The following MIA2 variants were observed in gnomAD, a reference collection of about 807,000 sequenced individuals.
The protein encoded by MIA2 is MIA SH3 domain ER export factor 2, also known as melanoma inhibitory activity protein 2.
Under a neutral mutation model 167.8 loss-of-function variants are expected in MIA2, and 127 were observed. The ratio of observed to expected loss-of-function variants is 0.76; its 90% CI spans 0.66 to 0.88. The LOEUF (loss-of-function observed/expected upper bound fraction) is 0.88. MIA2 is among the 40% of genes least tolerant of loss of function. The pLI is 0.00. For synonymous variants in MIA2, 552 were observed against 541.9 expected (o/e 1.02, Z -0.26); for missense variants, 1,690 against 1,624.7 (o/e 1.04, Z -0.69).
At position 39,310,512 on chromosome 14, in the gene MIA2, A is replaced by C. The variant is rs114334382; in HGVS notation, c.3017+1925A>C. ...AAAGTATCTTTAAACAGAAGCACAC[A>C]AAAAAACAAGGTTATATATTGATTG... On this transcript the variant is annotated intron_variant, in intron 18 of 28. Coordinates refer to ENST00000640607, the MANE Select transcript of MIA2 (RefSeq NM_001329214.4). Among the ~76,000 whole-genome samples the C allele has an allele frequency of 4.5e-3, 689 of 152,216 alleles. 4 individuals are homozygous for C. Among genetic ancestry groups the C allele is most frequent in the Middle Eastern group, 0.017 (5 of 292 alleles).
chr14:39,349,946 A>G, intron 28 of MIA2, 152 bp from the exon 29 acceptor site: 1 of 435,452 alleles, frequency 2.3e-6, no homozygotes, highest in East Asian at 3.5e-5. Flanking sequence ...GTTTTTCTCA[A>G]TGTAAAAATT....
chr14:39,328,429 G>A (rs10150299), intron 25 of MIA2, among the ~76,000 whole-genome samples: 6,056 of 152,238 alleles, frequency 0.04, 176 homozygotes, highest in South Asian at 0.096. Flanking sequence ...TGTTCACTCT[G>A]ATGGTAGTTT....
intron 2 of MIA2, among the ~76,000 whole-genome samples, chr14:39,237,675 A>C (rs2053819757): frequency 6.6e-6 from 1 of 151,758 alleles, no homozygotes; most frequent in Non-Finnish European, 1.5e-5. Flanking sequence ...ATTTGGAGGG[A>C]CTTCATATTA....
chr14:39,240,483 A>G (rs879200156), intron 2 of MIA2, 78 bp from the exon 3 acceptor site: 20 of 1,054,278 alleles, frequency 1.9e-5, no homozygotes, highest in South Asian at 1.6e-4. Context: ...AGCCAAGGAC[A>G]TGGGACAAAA....
intron 24 of MIA2, among the ~76,000 whole-genome samples, chr14:39,324,461 A>G (rs1006896414): frequency 6.6e-6 from 1 of 152,260 alleles, no homozygotes; most frequent in Non-Finnish European, 1.5e-5. Flanking sequence ...TAAAGGGAGT[A>G]GATGGAAAAT....
chr14:39,321,982 G>A (rs2066531859), intron 24 of MIA2, among the ~76,000 whole-genome samples: 1 of 150,886 alleles, frequency 6.6e-6, no homozygotes, highest in Admixed American at 6.6e-5. Context: ...CACATTGGCT[G>A]GCCAGGCTGG....
At chr14:39,351,750 C>T (rs1473363810), downstream of MIA2, among the ~76,000 whole-genome samples, 3 of 152,106 alleles carry the variant, frequency 2.0e-5, no homozygotes, top group African/African-American at 4.8e-5. Context: ...GGACTACAGG[C>T]GTCCACCACC....
intron 6 of MIA2, among the ~76,000 whole-genome samples, chr14:39,262,611 G>T (rs1008321785): frequency 1.3e-5 from 2 of 152,136 alleles, no homozygotes; most frequent in African/African-American, 4.8e-5. Flanking sequence ...TGGGCAGTAT[G>T]GCCATTTTCA....
chr14:39,352,306 G>A (rs1362215998), downstream of MIA2, among the ~76,000 whole-genome samples: 2 of 147,960 alleles, frequency 1.4e-5, no homozygotes, highest in Non-Finnish European at 3.0e-5. Flanking sequence ...CTAATTTCTT[G>A]GGATTGCTTC....
exon 24 of MIA2, chr14:39,386,935 G>C: frequency 1.3e-6 from 1 of 772,876 alleles, no homozygotes; most frequent in South Asian, 1.5e-5. Flanking sequence ...TAGGGGCCTA[G>C]GAGGGCCCCA....
intron 23 of MIA2, among the ~76,000 whole-genome samples, chr14:39,319,588 T>G (rs1003253953): frequency 3.9e-5 from 6 of 152,082 alleles, no homozygotes; most frequent in African/African-American, 1.4e-4. Context: ...AGTAAGGTAC[T>G]CATTAACAAT....
At chr14:39,269,813 G>A (rs1041944517) in intron 6 of MIA2, among the ~76,000 whole-genome samples, 1 of 152,080 alleles carries the variant, frequency 6.6e-6, no homozygotes, top group Admixed American at 6.6e-5. Flanking sequence ...GAGCCACTTC[G>A]CCTGGCCCTT....
At chr14:39,336,756 A>T (rs1055407990) in intron 25 of MIA2, among the ~76,000 whole-genome samples, 5 of 152,068 alleles carry the variant, frequency 3.3e-5, no homozygotes, top group Non-Finnish European at 7.4e-5. Flanking sequence ...TTATTAAAAA[A>T]TTTTTTTAGA....
intron 6 of MIA2, among the ~76,000 whole-genome samples, chr14:39,261,572 TC>T (rs1474163030): frequency 6.6e-6 from 1 of 152,212 alleles, no homozygotes; most frequent in African/African-American, 2.4e-5. Flanking sequence ...CAGACTGTCT[TC>T]CACAATGGTT....
At chr14:39,315,545 T>C (rs2065252771) in intron 20 of MIA2, 138 bp from the exon 21 acceptor site, 1 of 624,096 alleles carries the variant, frequency 1.6e-6, no homozygotes, top group Non-Finnish European at 2.8e-6. Flanking sequence ...CATGAAAATT[T>C]GCTTTAAAAA....
In MIA2 at chr14:39,304,331, A is replaced by C. The variant is rs1373612221; in HGVS notation, c.2828A>C (p.Gln943Pro). 1.9e-6 allele frequency: 3 copies of C among 1,578,998 alleles called. No individual in the cohort carries two copies. The highest frequency in any genetic ancestry group is 2.7e-5 in the African/African-American group (2 of 73,422). ...AAAACCTTAGAAGGAGAAAGAAACCAAATTTATATTCAGTTGTCTGAAGTT... is the reference window on the plus strand; with the variant it reads ...AAAACCTTAGAAGGAGAAAGAAACCCAATTTATATTCAGTTGTCTGAAGTT... ...SLKTLEGERN[Q>P]IYIQLSEVDK... The change falls in exon 17 of 29, where the codon CAA (glutamine) becomes CCA (proline). Residue 943 changes from glutamine to proline, a missense_variant. Gln to Pro is a moderately conservative substitution (Grantham distance 76, BLOSUM62 -1). Coordinates refer to ENST00000640607, the MANE Select transcript of MIA2 (RefSeq NM_001329214.4).
chr14:39,267,386 T>G, intron 6 of MIA2: 1 of 1,603,946 alleles, frequency 6.2e-7, no homozygotes, highest in Non-Finnish European at 8.5e-7. Flanking sequence ...CCGAAGGCTG[T>G]GTGTTCTCCG....
At position 39,317,973 on chromosome 14, in the gene MIA2, C is replaced by T. The variant is rs2065796750; in HGVS notation, c.3246C>T (p.Leu1082=). 1.3e-6 allele frequency: 2 copies of T among 1,582,468 alleles called. No homozygotes were observed. Among genetic ancestry groups the T allele is most frequent in the African/African-American group, 1.4e-5 (1 of 73,300 alleles). Residue 1082 remains leucine (L), a synonymous_variant, in exon 22 of 29, where the codon CTC becomes CTT. Transcript: ENST00000640607. The part of the protein sequence containing the change: ...WLAARNAERN[L]NDLRKENAHN... ...CAGCTCGGAATGCTGAAAGAAACCT[C>T]AATGATTTAAGGAAAGAAAATGCTC...
At chr14:39,311,260 A>G (rs1168841382) in intron 18 of MIA2, among the ~76,000 whole-genome samples, 3 of 121,244 alleles carry the variant, frequency 2.5e-5, no homozygotes, top group Non-Finnish European at 5.6e-5. Context: ...CTGAAATTCA[A>G]TGAATTATGC....
Sources: gnomAD v4.1 joint callset for allele counts (sites outside exome capture counted in the v4.1 genomes callset) on GRCh38, gnomAD v4.1.1 for gene constraint, MANE v1.5 for transcripts, NCBI Gene and HGNC (gene_info 2026-07-23, HGNC 2026-07-21) for gene names.